MYO1H: variants seen among roughly 807,000 people sequenced by gnomAD.
The protein encoded by MYO1H is myosin IH.
MYO1H carries 118 observed loss-of-function variants against 149.3 expected under a neutral mutation model. That is an observed-to-expected ratio of 0.79 (90% confidence interval 0.68 to 0.92). MYO1H has a LOEUF of 0.92. Among genes scored for constraint, MYO1H ranks in the 40% least tolerant of loss-of-function variants. The pLI is 0.00. For missense variants in MYO1H, 1,212 were observed against 1,280.7 expected (o/e 0.95, Z 0.82); for synonymous variants, 447 against 465.2 (o/e 0.96, Z 0.50).
At chr12:109,405,397 G>T (rs573967701) in intron 7 of MYO1H, among the ~76,000 whole-genome samples, 3 of 152,090 alleles carry the variant, frequency 2.0e-5, no homozygotes, top group African/African-American at 7.2e-5. Flanking sequence ...TGCAACCTCC[G>T]CCTCCCGGGT....
exon 5 of MYO1H, chr12:109,397,795 A>G: frequency 6.2e-7 from 1 of 1,609,752 alleles, no homozygotes; most frequent in Non-Finnish European, 8.5e-7. Context: ...ATACATGGAT[A>G]TACAATTTGA....
chr12:109,444,509 TG>T lies in MYO1H; in HGVS notation c.2974del (p.Val992SerfsTer20). The T allele has an allele frequency of 6.2e-7, 1 of 1,613,768 alleles. No individual in the cohort carries two copies. The highest frequency in any genetic ancestry group is 1.1e-5 in the South Asian group (1 of 91,068). ...TCATGCTGGTTAAGAAGGAGAACAT[TG>T]TCAATGTTGTTCAAGGAAGGTAGGT... is the stretch of plus-strand genomic sequence containing the variant. On this transcript the variant is annotated frameshift_variant, in exon 30 of 32. Coordinates refer to ENST00000310903, the Ensembl canonical transcript of MYO1H. LOFTEE classifies it high-confidence loss of function.
chr12:109,388,736 T>G (rs773602732), exon 2 of MYO1H: 2 of 1,610,912 alleles, frequency 1.2e-6, no homozygotes, highest in Admixed American at 3.3e-5. Flanking sequence ...GGGCGCTGAC[T>G]GCCCGGGACA....
intron 8 of MYO1H, among the ~76,000 whole-genome samples, chr12:109,406,574 C>T (rs1212946172): frequency 2.6e-5 from 4 of 151,116 alleles, no homozygotes; most frequent in East Asian, 3.9e-4. Flanking sequence ...CACTTCAGCC[C>T]GGGAGGTGGA....
At chr12:109,410,804 C>A (rs1449589766) in intron 13 of MYO1H, 36 bp downstream of exon 13, 18 of 1,341,448 alleles carry the variant, frequency 1.3e-5, no homozygotes, top group Non-Finnish European at 1.9e-5. Flanking sequence ...AGCTATTCAC[C>A]CGGCACTTAC....
chr12:109,406,434 C>T (rs1870387524), intron 8 of MYO1H, among the ~76,000 whole-genome samples: 1 of 141,642 alleles, frequency 7.1e-6, no homozygotes, highest in Non-Finnish European at 1.5e-5. Context: ...CCACTGCACT[C>T]CAGCCTGGGC....
chr12:109,422,334 A>G (rs1359667041), intron 16 of MYO1H, among the ~76,000 whole-genome samples: 1 of 152,110 alleles, frequency 6.6e-6, no homozygotes, highest in Non-Finnish European at 1.5e-5. Flanking sequence ...TTTTGGACTC[A>G]AGGTAGACGA....
intron 14 of MYO1H, among the ~76,000 whole-genome samples, chr12:109,415,047 C>G (rs998920677): frequency 6.6e-6 from 1 of 152,112 alleles, no homozygotes; most frequent in Non-Finnish European, 1.5e-5. Context: ...TGGTCTATGG[C>G]CAGAAAATAA....
intron 2 of MYO1H, among the ~76,000 whole-genome samples, chr12:109,389,352 C>T (rs1869535163): frequency 6.6e-6 from 1 of 152,150 alleles, no homozygotes; most frequent in Non-Finnish European, 1.5e-5. Flanking sequence ...GAACCAATCC[C>T]ATGGCTAGAA....
exon 19 of MYO1H, chr12:109,427,546 G>A: frequency 1.2e-6 from 2 of 1,612,948 alleles, no homozygotes; most frequent in Non-Finnish European, 1.7e-6. Context: ...GAGACGGGCT[G>A]GTTTTGCATA....
At chr12:109,441,681 A>G (rs756022663) in exon 26 of MYO1H, 1 of 1,612,978 alleles carries the variant, frequency 6.2e-7, no homozygotes, top group East Asian at 2.2e-5. Flanking sequence ...AGAAAGTTTA[A>G]ATCAACCCTT....
chr12:109,385,762 G>A (rs1210850535), intron 1 of MYO1H, among the ~76,000 whole-genome samples: 1 of 152,080 alleles, frequency 6.6e-6, no homozygotes, highest in Non-Finnish European at 1.5e-5. Context: ...AAAGTAAACA[G>A]AATAGTATCA....
the MYO1H span, among the ~76,000 whole-genome samples, chr12:109,315,626 C>T: frequency 6.6e-6 from 1 of 152,184 alleles, no homozygotes; most frequent in African/African-American, 2.4e-5. Context: ...GGCCCACGAT[C>T]CCTCAAGATA....
intron 2 of MYO1H, among the ~76,000 whole-genome samples, chr12:109,389,789 TAGAC>T (rs749992153): frequency 6.6e-5 from 10 of 152,172 alleles, no homozygotes; most frequent in African/African-American, 2.2e-4. Flanking sequence ...AAGAGTAAAT[TAGAC>T]AGAAGTGGTT....
intron 4 of MYO1H, among the ~76,000 whole-genome samples, chr12:109,396,932 A>G (rs1051482649): frequency 2.7e-4 from 39 of 144,146 alleles, no homozygotes; most frequent in African/African-American, 9.5e-4. Flanking sequence ...AGTTTAAGCA[A>G]TTCTCCTGCT....
chr12:109,352,494 C>T (rs983396494), intron 1 of MYO1H, among the ~76,000 whole-genome samples: 7 of 152,148 alleles, frequency 4.6e-5, no homozygotes, highest in African/African-American at 1.7e-4. Context: ...GTTTATTCTA[C>T]GAAACTAGAA....
At chr12:109,409,908 A>T (rs1217959706) in intron 11 of MYO1H, 55 bp from the exon 12 acceptor site, 7 of 1,043,850 alleles carry the variant, frequency 6.7e-6, no homozygotes, top group East Asian at 5.4e-5. Context: ...TAATTTGTTT[A>T]AAAAAATTGT....
chr12:109,383,917 G>A (rs566315545), intron 1 of MYO1H, among the ~76,000 whole-genome samples: 4 of 152,180 alleles, frequency 2.6e-5, no homozygotes, highest in Non-Finnish European at 5.9e-5. Flanking sequence ...CTTCCAAAAT[G>A]ATGGTTCTGG....
intron 31 of MYO1H, 169 bp from the exon 32 acceptor site, chr12:109,446,990 C>A: frequency 4.4e-6 from 3 of 678,884 alleles, no homozygotes; most frequent in Admixed American, 2.1e-5. Flanking sequence ...GGCTGACAGG[C>A]CTCGATGAGC....
Sources: allele counts gnomAD v4.1 joint callset (sites outside exome capture counted in the v4.1 genomes callset), GRCh38; gene constraint gnomAD v4.1.1; transcripts MANE v1.5; gene names NCBI Gene and HGNC (gene_info 2026-07-23, HGNC 2026-07-21).